The following EDIL3 variants were observed in gnomAD, a reference collection of about 807,000 sequenced individuals.
EDIL3 encodes EGF-like repeat and discoidin I-like domain-containing protein 3.
In EDIL3, 37 loss-of-function variants were observed where a neutral mutation model predicts 67.4. The observed-to-expected ratio is 0.55, with a 90% CI of 0.42 to 0.72. The LOEUF (loss-of-function observed/expected upper bound fraction) is 0.72. EDIL3 is among the 30% of genes least tolerant of loss of function. The pLI is 0.00. For synonymous variants in EDIL3, 195 were observed against 196.3 expected, an observed-to-expected ratio of 0.99 and a Z score of 0.05; for missense variants, 527 against 586.3, an observed-to-expected ratio of 0.90 and a Z score of 1.04.
intron 3 of EDIL3, among the ~76,000 whole-genome samples, chr5:84,217,369 T>C (rs1043962045): frequency 3.9e-5 from 6 of 152,212 alleles, no homozygotes; most frequent in Non-Finnish European, 8.8e-5. Context: ...CTGAGATAGT[T>C]AAATTTTACA....
At chr5:84,344,188 CCAGT>C (rs1747188414) in intron 1 of EDIL3, among the ~76,000 whole-genome samples, 2 of 152,012 alleles carry the variant, frequency 1.3e-5, no homozygotes, top group Non-Finnish European at 2.9e-5. Flanking sequence ...GGAACACCTG[CCAGT>C]CAATTTTTAG....
chr5:84,192,138 T>A (rs371201095), intron 3 of EDIL3, among the ~76,000 whole-genome samples: 1 of 151,786 alleles, frequency 6.6e-6, no homozygotes, highest in East Asian at 1.9e-4. Context: ...AAACACTTAA[T>A]AATTGCAAAA....
chr5:84,344,383 A>G (rs1421145847), intron 1 of EDIL3, among the ~76,000 whole-genome samples: 1 of 152,148 alleles, frequency 6.6e-6, no homozygotes, highest in East Asian at 1.9e-4. Context: ...CTGAGCACAT[A>G]TATTGTGGCA....
chr5:84,078,002 T>C (rs1475850348), intron 6 of EDIL3, among the ~76,000 whole-genome samples: 4 of 152,146 alleles, frequency 2.6e-5, no homozygotes, highest in Non-Finnish European at 5.9e-5. Flanking sequence ...TACAACAATT[T>C]ACAGCCAACA....
chr5:84,307,886 T>G (rs1746304649), intron 1 of EDIL3, among the ~76,000 whole-genome samples: 1 of 152,210 alleles, frequency 6.6e-6, no homozygotes, highest in East Asian at 1.9e-4. Flanking sequence ...GGTTTGAAAA[T>G]AGTTACTAGG....
At chr5:83,963,126 T>C in intron 10 of EDIL3, 79 bp downstream of exon 10, 1 of 1,470,624 alleles carries the variant, frequency 6.8e-7, no homozygotes, top group Non-Finnish European at 9.1e-7. Flanking sequence ...TACAGATGTA[T>C]AAGCAGTTAA....
intron 6 of EDIL3, among the ~76,000 whole-genome samples, chr5:84,093,304 T>C (rs1389294463): frequency 6.6e-6 from 1 of 152,148 alleles, no homozygotes; most frequent in Admixed American, 6.5e-5. Flanking sequence ...TGATTCCTAC[T>C]CTCAAGTTGT....
intron 3 of EDIL3, among the ~76,000 whole-genome samples, chr5:84,198,190 A>G (rs759437950): frequency 6.6e-6 from 1 of 151,992 alleles, no homozygotes; most frequent in Non-Finnish European, 1.5e-5. Flanking sequence ...GCAGAGAAAG[A>G]GGATGATACC....
At chr5:84,322,510 T>C (rs531352350) in intron 1 of EDIL3, among the ~76,000 whole-genome samples, 1 of 152,170 alleles carries the variant, frequency 6.6e-6, no homozygotes, top group Admixed American at 6.5e-5. Context: ...AAAGACAATG[T>C]AAATAAGTGA....
intron 1 of EDIL3, among the ~76,000 whole-genome samples, chr5:84,350,253 C>A (rs1007668788): frequency 3.3e-5 from 5 of 152,076 alleles, no homozygotes; most frequent in African/African-American, 1.2e-4. Context: ...CTCCAGCAAT[C>A]CATGCCCAGA....
intron 3 of EDIL3, among the ~76,000 whole-genome samples, chr5:84,229,205 C>T (rs1288611777): frequency 6.6e-6 from 1 of 152,074 alleles, no homozygotes; most frequent in Non-Finnish European, 1.5e-5. Context: ...GTCCTGGAAC[C>T]ATGTGGAAAA....
chr5:84,206,371 GA>G (rs1181259138), intron 3 of EDIL3, among the ~76,000 whole-genome samples: 1 of 151,930 alleles, frequency 6.6e-6, no homozygotes, highest in Non-Finnish European at 1.5e-5. Flanking sequence ...GTGTGGTGCT[GA>G]AAAAAATGTA....
chr5:84,077,320 C>A (rs1376460492), intron 6 of EDIL3, among the ~76,000 whole-genome samples: 1 of 152,136 alleles, frequency 6.6e-6, no homozygotes, highest in Non-Finnish European at 1.5e-5. Context: ...CCTGCTTCTT[C>A]AAGGGATATG....
At chr5:84,184,536 T>TA (rs903990967) in intron 3 of EDIL3, among the ~76,000 whole-genome samples, 1 of 152,184 alleles carries the variant, frequency 6.6e-6, no homozygotes, top group African/African-American at 2.4e-5. Flanking sequence ...TCTAGCTCTA[T>TA]AATAACAGCT....
intron 5 of EDIL3, among the ~76,000 whole-genome samples, chr5:84,107,579 T>G (rs1747486906): frequency 6.6e-6 from 1 of 151,544 alleles, no homozygotes; most frequent in Non-Finnish European, 1.5e-5. Flanking sequence ...GGATTCTGCA[T>G]GTATATCTTC....
At chr5:84,151,999 C>T (rs1018590504) in intron 4 of EDIL3, among the ~76,000 whole-genome samples, 3 of 151,810 alleles carry the variant, frequency 2.0e-5, no homozygotes, top group Non-Finnish European at 2.9e-5. Context: ...CTGCAACCTC[C>T]GCCTCCTGGG....
intron 6 of EDIL3, among the ~76,000 whole-genome samples, chr5:84,067,495 C>T (rs1746665807): frequency 1.3e-5 from 2 of 152,134 alleles, no homozygotes; most frequent in South Asian, 4.2e-4. Context: ...TTTAAATGTT[C>T]TTGATAAATT....
chr5:84,381,728 A>G (rs1748078201), intron 1 of EDIL3, among the ~76,000 whole-genome samples: 1 of 152,212 alleles, frequency 6.6e-6, no homozygotes, highest in Admixed American at 6.5e-5. Flanking sequence ...ATTGCATAAG[A>G]TGTCACGTGC....
chr5:84,296,411 T>G (rs1401678283), intron 1 of EDIL3, among the ~76,000 whole-genome samples: 1 of 152,136 alleles, frequency 6.6e-6, no homozygotes, highest in Non-Finnish European at 1.5e-5. Context: ...TCTAGGAGAG[T>G]GGCACATACT....
Sources: gnomAD v4.1 joint callset for allele counts (sites outside exome capture counted in the v4.1 genomes callset) on GRCh38, gnomAD v4.1.1 for gene constraint, MANE v1.5 for transcripts, NCBI Gene and HGNC (gene_info 2026-07-23, HGNC 2026-07-21) for gene names.